Variants in GRAMD1C observed in about 807,000 individuals in gnomAD.
GRAMD1C encodes the protein protein Aster-C.
GRAMD1C carries 89 observed loss-of-function variants against 97.8 expected under a neutral mutation model. That is an observed-to-expected ratio of 0.91 (90% CI 0.77 to 1.09). The LOEUF (loss-of-function observed/expected upper bound fraction) is 1.09. Ranked by LOEUF, GRAMD1C falls within the 50% of genes least tolerant of loss-of-function variation. GRAMD1C has a pLI of 0.00. For synonymous variants in GRAMD1C, 256 were observed against 267.0 expected (o/e 0.96, Z 0.40); for missense variants, 740 against 766.4 (o/e 0.97, Z 0.41).
intron 1 of GRAMD1C, among the ~76,000 whole-genome samples, chr3:113,832,838 G>C (rs1185546361): frequency 6.6e-6 from 1 of 152,136 alleles, no homozygotes; most frequent in African/African-American, 2.4e-5. Context: ...TGTGTGCTGG[G>C]TATGCCTGTA....
At chr3:113,911,711 C>CCTTTCT (rs1559809995) in intron 9 of GRAMD1C, among the ~76,000 whole-genome samples, 2 of 136,466 alleles carry the variant, frequency 1.5e-5, no homozygotes, top group African/African-American at 5.4e-5. Flanking sequence ...TTCCTTCCTT[C>CCTTTCT]CTTCCTTCCT....
intron 2 of GRAMD1C, chr3:113,850,379 T>C (rs985617444): frequency 5.4e-5 from 44 of 815,280 alleles, no homozygotes; most frequent in Non-Finnish European, 9.0e-5. Flanking sequence ...GGCTTCCCCT[T>C]TTGTGAGTCT....
intron 2 of GRAMD1C, among the ~76,000 whole-genome samples, chr3:113,853,002 A>AT (rs1440240047): frequency 6.6e-6 from 1 of 152,244 alleles, no homozygotes; most frequent in African/African-American, 2.4e-5. Context: ...AAGAGATTCA[A>AT]TAAATAGTGT....
At chr3:113,884,937 C>A (rs1180773603) in intron 6 of GRAMD1C, among the ~76,000 whole-genome samples, 40 of 86,490 alleles carry the variant, frequency 4.6e-4, no homozygotes, top group African/African-American at 1.6e-3. Flanking sequence ...CCTCCCTTTT[C>A]CCTAGCCACC....
At chr3:113,882,087 A>AGT (rs776732544) in intron 5 of GRAMD1C, among the ~76,000 whole-genome samples, 1 of 152,212 alleles carries the variant, frequency 6.6e-6, no homozygotes, top group Non-Finnish European at 1.5e-5. Context: ...GACTGTATTT[A>AGT]GTGCTGTCTT....
At chr3:113,879,166 C>CT (rs1157864556) in intron 5 of GRAMD1C, among the ~76,000 whole-genome samples, 3 of 151,334 alleles carry the variant, frequency 2.0e-5, no homozygotes, top group Non-Finnish European at 4.4e-5. Context: ...GACCGCGCCA[C>CT]TGCACTCCAG....
At chr3:113,920,299 A>G in intron 10 of GRAMD1C, 1 of 475,354 alleles carries the variant, frequency 2.1e-6, no homozygotes, top group Non-Finnish European at 3.7e-6. Flanking sequence ...GGGGAGAAAG[A>G]GCAAAACTCC....
intron 6 of GRAMD1C, among the ~76,000 whole-genome samples, chr3:113,883,567 T>C (rs1935340318): frequency 1.3e-5 from 2 of 150,818 alleles, no homozygotes; most frequent in Admixed American, 1.3e-4. Context: ...ATCCATCTTA[T>C]ATGCTGTATA....
Position 113,940,013 on chromosome 3 carries a change from CT to C in GRAMD1C, c.1802+18del, listed in dbSNP as rs750786655. 93 of 1,295,176 alleles carry C rather than the reference CT, an allele frequency of 7.2e-5. 1 individual carries two copies. The highest frequency in any genetic ancestry group is 5.5e-4 in the Middle Eastern group (3 of 5,450). The allele number at this position is 1,295,176 out of a possible 1,614,324, so 80.2% of individuals were successfully genotyped here. A position where few individuals can be genotyped will look rare whatever the true frequency, so the allele number is the denominator to read the frequency against. On this transcript the variant is annotated intron_variant, in intron 16 of 17. Transcript: ENST00000358160. Reference sequence around the variant, plus strand: ...ATCTTTAAAGTAAGTCTTTTTCCCCCTGACCTGTATTCACCATATTATTTCA... The same window carrying C: ...ATCTTTAAAGTAAGTCTTTTTCCCCCGACCTGTATTCACCATATTATTTCA...
At chr3:113,854,789 A>G (rs1405730520) in intron 2 of GRAMD1C, among the ~76,000 whole-genome samples, 1 of 152,252 alleles carries the variant, frequency 6.6e-6, no homozygotes, top group Non-Finnish European at 1.5e-5. Context: ...TTGCTTTACC[A>G]ATAAATTAAC....
At chr3:113,941,985 G>A (rs984439802) in intron 17 of GRAMD1C, among the ~76,000 whole-genome samples, 5 of 150,672 alleles carry the variant, frequency 3.3e-5, no homozygotes, top group Admixed American at 6.6e-5. Context: ...GCATGAACAC[G>A]GCTCACTGCA....
At chr3:113,895,981 T>A (rs1935926553) in intron 6 of GRAMD1C, among the ~76,000 whole-genome samples, 1 of 152,202 alleles carries the variant, frequency 6.6e-6, no homozygotes, top group African/African-American at 2.4e-5. Context: ...ATTCTGAACT[T>A]GTTACTTTTC....
chr3:113,855,118 C>T (rs1934067408), intron 2 of GRAMD1C, among the ~76,000 whole-genome samples: 1 of 151,930 alleles, frequency 6.6e-6, no homozygotes, highest in Non-Finnish European at 1.5e-5. Context: ...TTGAGACCAG[C>T]CTGACCAACA....
At chr3:113,945,356 T>G (rs1938016608) in intron 17 of GRAMD1C, 42 bp from the exon 18 acceptor site, 2 of 1,278,334 alleles carry the variant, frequency 1.6e-6, no homozygotes, top group Non-Finnish European at 2.3e-6. Context: ...CAAATCTGAT[T>G]AGAAAAATTA....
At chr3:113,851,512 T>A (rs1933902126) in intron 2 of GRAMD1C, among the ~76,000 whole-genome samples, 1 of 145,666 alleles carries the variant, frequency 6.9e-6, no homozygotes, top group Non-Finnish European at 1.5e-5. Context: ...TAGTCAAGTT[T>A]TCTTTCTTTC....
At chr3:113,911,984 C>A (rs1936617770) in intron 9 of GRAMD1C, among the ~76,000 whole-genome samples, 1 of 152,116 alleles carries the variant, frequency 6.6e-6, no homozygotes, top group Non-Finnish European at 1.5e-5. Flanking sequence ...GCCTCGGCCT[C>A]CCAAAATGCT....
At position 113,838,809 on chromosome 3, in the gene GRAMD1C, G is replaced by GGCGCGCGGAGCCTGTAACTCGCA. The variant is rs1406893544; in HGVS notation, c.-93_-71dup. Reference sequence around the variant, plus strand: ...AAGTACTCGGAGGGCCGGCGGAGGAGGCGCGCGGAGCCTGTAACTCGCAGC... The same window carrying GGCGCGCGGAGCCTGTAACTCGCA: ...AAGTACTCGGAGGGCCGGCGGAGGAGGCGCGCGGAGCCTGTAACTCGCAGCGCGCGGAGCCTGTAACTCGCAGC... On this transcript the variant is annotated 5_prime_UTR_variant, in exon 1 of 18. Coordinates refer to ENST00000358160, the MANE Select transcript of GRAMD1C (RefSeq NM_017577.5). 1.3e-5 allele frequency: 11 copies of GGCGCGCGGAGCCTGTAACTCGCA among 846,010 alleles called. 1 individual carries two copies. The highest frequency in any genetic ancestry group is 1.7e-5 in the Non-Finnish European group (11 of 639,336). The allele number at this position is 846,010 out of a possible 1,614,324, so 52.4% of individuals were successfully genotyped here.
At chr3:113,903,830 A>G (rs1246294421) in intron 7 of GRAMD1C, among the ~76,000 whole-genome samples, 1 of 151,966 alleles carries the variant, frequency 6.6e-6, no homozygotes. Flanking sequence ...GTGGTTGTAC[A>G]CAAATGAAAT....
intron 12 of GRAMD1C, 28 bp downstream of exon 12, chr3:113,933,681 G>A (rs1937521748): frequency 6.6e-7 from 1 of 1,518,114 alleles, no homozygotes; most frequent in Non-Finnish European, 9.1e-7. Context: ...AATGTGTTAG[G>A]ATAGGCTAGA....
Sources: gnomAD v4.1 joint callset for allele counts (sites outside exome capture counted in the v4.1 genomes callset) on GRCh38, gnomAD v4.1.1 for gene constraint, MANE v1.5 for transcripts, NCBI Gene and HGNC (gene_info 2026-07-23, HGNC 2026-07-21) for gene names.